Variants in SIRPB1 observed in about 807,000 individuals in gnomAD.
SIRPB1 encodes signal-regulatory protein beta-1.
In SIRPB1, 28 loss-of-function variants were observed where a neutral mutation model predicts 34.1. The observed-to-expected ratio is 0.82, with a 90% CI of 0.61 to 1.12. SIRPB1 has a LOEUF of 1.12. Among genes scored for constraint, SIRPB1 ranks in the 50% most tolerant of loss-of-function variants. The pLI is 0.00. For missense variants in SIRPB1, 499 were observed against 507.0 expected, an observed-to-expected ratio of 0.98 and a Z score of 0.15; for synonymous variants, 211 against 203.8, an observed-to-expected ratio of 1.04 and a Z score of -0.30.
Position 1,598,306 on chromosome 20 carries a change from C to G in SIRPB1, c.77-19612G>C. On this transcript the variant is annotated intron_variant, in intron 1 of 5. Coordinates refer to ENST00000381605, the MANE Select transcript of SIRPB1 (RefSeq NM_006065.5). ...GCCTGTTGCAAGTGGAGAGGCAGCC[C>G]TGAGATAGGACTCTGCTGGCTCAGC... 2 of 372,434 alleles carry G rather than the reference C, an allele frequency of 5.4e-6. 1 individual carries two copies. Among genetic ancestry groups the G allele is most frequent in the Non-Finnish European group, 6.1e-6 (2 of 325,368 alleles). The allele number at this position is 372,434 out of a possible 1,614,324, so 23.1% of individuals were successfully genotyped here. A position where few individuals can be genotyped will look rare whatever the true frequency, so the allele number is the denominator to read the frequency against.
In SIRPB1 at chr20:1,571,149, C is replaced by T. The variant is rs759363379; in HGVS notation, c.752-12G>A. 74 of 1,608,250 alleles carry T rather than the reference C, an allele frequency of 4.6e-5. 2 individuals carry two copies. In the South Asian group the frequency reaches 8.0e-4, roughly 17 times the overall value. ...CAAGGTGGGTGGAACTGAAACAGCA[C>T]AGGGCAGAAGCTCTGATCTTGTGGC... On this transcript the variant is annotated splice_polypyrimidine_tract_variant and intron_variant, in intron 3 of 5. Transcript: ENST00000381605.
chr20:1,571,232 T>A, intron 3 of SIRPB1, 95 bp from the exon 4 acceptor site: 1 of 1,276,650 alleles, frequency 7.8e-7, no homozygotes, highest in Non-Finnish European at 1.1e-6. Context: ...AGTGAGGGCA[T>A]CACCAGGACA....
intron 1 of SIRPB1, among the ~76,000 whole-genome samples, chr20:1,618,013 A>G (rs909734766): frequency 2.6e-5 from 4 of 152,160 alleles, no homozygotes; most frequent in Non-Finnish European, 5.9e-5. Flanking sequence ...ACACACATAT[A>G]TATGTATATA....
chr20:1,576,642 C>T (rs1352425674), intron 2 of SIRPB1, among the ~76,000 whole-genome samples: 1 of 148,550 alleles, frequency 6.7e-6, no homozygotes, highest in African/African-American at 2.4e-5. Context: ...CATGGTGGCT[C>T]ACGCCTGTAA....
At chr20:1,596,536 A>C (rs2091458371) in intron 1 of SIRPB1, among the ~76,000 whole-genome samples, 1 of 49,002 alleles carries the variant, frequency 2.0e-5, no homozygotes, top group African/African-American at 1.3e-4. Flanking sequence ...CTACCATGCA[A>C]AGTGAGGACT....
Position 1,605,192 on chromosome 20 carries a change from T to C in SIRPB1, c.76+14677A>G, listed in dbSNP as rs2873569. The C allele has an allele frequency of 4.9e-3, 2,077 of 423,472 alleles. 964 individuals are homozygous for C. In the African/African-American group the frequency reaches 0.18, roughly 37 times the overall value. 26.2% of individuals were successfully genotyped at this position (423,472 alleles called of 1,614,324 possible). Reference sequence around the variant, plus strand: ...AATAATGTGGAAAGATTAATGAGGGTGGTGTCCTTATTGTCATTTTACAGA... The same window carrying C: ...AATAATGTGGAAAGATTAATGAGGGCGGTGTCCTTATTGTCATTTTACAGA... On this transcript the variant is annotated intron_variant, in intron 1 of 5. Coordinates refer to ENST00000381605, the MANE Select transcript of SIRPB1 (RefSeq NM_006065.5).
rs374895236 is a variant in SIRPB1, at chr20:1,568,904, T to C, written c.1084+1901A>G. 5.1e-4 allele frequency among the ~76,000 whole-genome samples: 76 copies of C among 150,402 alleles called. No individual in the cohort carries two copies. The South Asian group carries it at 0.015, about 30-fold the overall frequency. On this transcript the variant is annotated intron_variant, in intron 4 of 5. Coordinates refer to ENST00000381605, the MANE Select transcript of SIRPB1 (RefSeq NM_006065.5). ...AAAACCCATTGAAACAAAGAGTCAA[T>C]CTTTTGAAAACACCAATAAAATGGG...
At chr20:1,617,645 A>G (rs2091649262) in intron 1 of SIRPB1, among the ~76,000 whole-genome samples, 1 of 152,186 alleles carries the variant, frequency 6.6e-6, no homozygotes, top group Non-Finnish European at 1.5e-5. Context: ...TCATAACACA[A>G]TTCGTAACCT....
intron 4 of SIRPB1, among the ~76,000 whole-genome samples, chr20:1,566,710 T>C (rs530529957): frequency 5.2e-4 from 79 of 152,060 alleles, no homozygotes; most frequent in Non-Finnish European, 1.0e-3. Context: ...CCAAGACAAG[T>C]CCAACACTCC....
At position 1,563,574 on chromosome 20, in the gene SIRPB1, G is replaced by A. The variant is rs2091096326; in HGVS notation, c.*1926C>T. 1 of 152,128 alleles carries A rather than the reference G, an allele frequency of 6.6e-6. No individual in the cohort carries two copies. The highest frequency in any genetic ancestry group is 6.5e-5 in the Admixed American group (1 of 15,274). 9.4% of individuals were successfully genotyped at this position (152,128 alleles called of 1,614,324 possible). On this transcript the variant is annotated 3_prime_UTR_variant, in exon 6 of 6. Transcript: ENST00000381605. ...TAGCCCATTCTCACACTGCTATAAA[G>A]AACTACCAGAAACTGGATATTTTAT...
At chr20:1,610,254 A>G (rs191874145) in intron 1 of SIRPB1, among the ~76,000 whole-genome samples, 1 of 72,854 alleles carries the variant, frequency 1.4e-5, no homozygotes, top group Admixed American at 1.1e-4. Flanking sequence ...AGGAGCTTTT[A>G]TCTAGCACCT....
Position 1,578,690 on chromosome 20 carries a change from C to T in SIRPB1, c.81G>A (p.Val27=), listed in dbSNP as rs1438905778. 6.3e-7 allele frequency: 1 copy of T among 1,575,766 alleles called. No individual in the cohort carries two copies. Among genetic ancestry groups the T allele is most frequent in the Non-Finnish European group, 8.7e-7 (1 of 1,149,900 alleles). The change falls in exon 2 of 6, where the codon GTG becomes GTA. Residue 27 remains valine (V), a synonymous_variant. Coordinates refer to ENST00000381605, the MANE Select transcript of SIRPB1 (RefSeq NM_006065.5). ...TCACCTGTAGCTCGTCCTCACCTGC[C>T]ACTCCTGGAAAGGAGCACAAAGCAG... The part of the protein sequence containing the change: ...MTLLLGRLTG[V]AGEDELQVIQ...
intron 4 of SIRPB1, among the ~76,000 whole-genome samples, chr20:1,568,625 A>G (rs868562929): frequency 2.6e-5 from 4 of 152,176 alleles, no homozygotes; most frequent in Non-Finnish European, 4.4e-5. Context: ...GAACCTGAGG[A>G]CTGAGGAACA....
intron 3 of SIRPB1, among the ~76,000 whole-genome samples, chr20:1,571,364 G>A (rs968400301): frequency 8.5e-5 from 13 of 152,226 alleles, no homozygotes; most frequent in Admixed American, 6.5e-5. Context: ...GCTAGGCTAA[G>A]GATGAGTGAA....
Position 1,594,524 on chromosome 20 carries a change from T to G in SIRPB1, c.77-15830A>C, listed in dbSNP as rs886213932. Among the ~76,000 whole-genome samples, 5 of 48,488 alleles carry G rather than the reference T, an allele frequency of 1.0e-4. 2 individuals carry two copies. Among genetic ancestry groups the G allele is most frequent in the African/African-American group, 2.7e-4 (2 of 7,310 alleles). The allele number at this position is 48,488 out of a possible 152,430, so 31.8% of individuals were successfully genotyped here. A position where few individuals can be genotyped will look rare whatever the true frequency, so the allele number is the denominator to read the frequency against. ...AAACTCCCCCCTTCATCTACCATAT[T>G]TCGCCCCCACTCACGACATTAGATG... On this transcript the variant is annotated intron_variant, in intron 1 of 5. Transcript: ENST00000381605.
At chr20:1,579,153 T>C (rs1225716605) in intron 1 of SIRPB1, among the ~76,000 whole-genome samples, 1 of 147,922 alleles carries the variant, frequency 6.8e-6, no homozygotes, top group Non-Finnish European at 1.5e-5. Context: ...AGTTTCACCA[T>C]GTTGCCCACA....
chr20:1,572,339 T>G (rs1196656624), intron 2 of SIRPB1, among the ~76,000 whole-genome samples: 1 of 151,920 alleles, frequency 6.6e-6, no homozygotes, highest in Non-Finnish European at 1.5e-5. Context: ...AATTACTGAT[T>G]GGTCTCCCTC....
Position 1,599,057 on chromosome 20 carries a change from C to T in SIRPB1, c.77-20363G>A. On this transcript the variant is annotated intron_variant, in intron 1 of 5. Transcript: ENST00000381605. ...CAATGCTCCAAAGCTTTTGAAACTG[C>T]ATCTTACCCTGGCTACCCTAGCTCC... is the stretch of plus-strand genomic sequence containing the variant. The T allele has an allele frequency of 3.5e-5, 7 of 202,410 alleles. 3 individuals are homozygous for T. In the South Asian group the frequency reaches 4.0e-4, roughly 12 times the overall value. 12.5% of individuals were successfully genotyped at this position (202,410 alleles called of 1,614,324 possible).
intron 5 of SIRPB1, 21 bp downstream of exon 5, chr20:1,566,132 T>C: frequency 1.3e-6 from 2 of 1,513,856 alleles, no homozygotes; most frequent in Non-Finnish European, 1.8e-6. Flanking sequence ...CCTTGGTCAG[T>C]CCTCCCTCTC....
Sources: gnomAD v4.1 joint callset for allele counts (sites outside exome capture counted in the v4.1 genomes callset) on GRCh38, gnomAD v4.1.1 for gene constraint, MANE v1.5 for transcripts, NCBI Gene and HGNC (gene_info 2026-07-23, HGNC 2026-07-21) for gene names.